The following ACACA variants were observed in gnomAD, a reference collection of about 807,000 sequenced individuals.
ACACA encodes the protein acetyl-CoA carboxylase 1.
ACACA carries 103 observed loss-of-function variants against 296.1 expected under a neutral mutation model. That is an observed-to-expected ratio of 0.35 (90% CI 0.30 to 0.41). The LOEUF (loss-of-function observed/expected upper bound fraction) is 0.41. Ranked by LOEUF, ACACA falls within the 10% of genes least tolerant of loss-of-function variation. ACACA has a pLI of 1.00. For missense variants in ACACA, 1,554 were observed against 2,989.7 expected, an observed-to-expected ratio of 0.52 and a Z score of 11.20; for synonymous variants, 953 against 1,038.6, an observed-to-expected ratio of 0.92 and a Z score of 1.58.
chr17:37,381,929 G>C (rs1171792964), intron 1 of ACACA, among the ~76,000 whole-genome samples: 1 of 151,914 alleles, frequency 6.6e-6, no homozygotes, highest in African/African-American at 2.4e-5. Context: ...ACCCGGCCAT[G>C]TCTCTTCTAT....
intron 22 of ACACA, 78 bp from the exon 23 acceptor site, chr17:37,242,131 A>T: frequency 9.3e-7 from 1 of 1,080,610 alleles, no homozygotes; most frequent in South Asian, 1.3e-5. Flanking sequence ...TAGCACGACC[A>T]GTAGGAATCT....
chr17:37,166,286 T>C (rs1453171831), intron 41 of ACACA, among the ~76,000 whole-genome samples: 1 of 151,894 alleles, frequency 6.6e-6, no homozygotes, highest in Non-Finnish European at 1.5e-5. Flanking sequence ...GCATGTGTGT[T>C]ACCACCATGC....
chr17:37,087,889 G>A (rs2072326135), intron 55 of ACACA, among the ~76,000 whole-genome samples: 1 of 152,196 alleles, frequency 6.6e-6, no homozygotes, highest in African/African-American at 2.4e-5. Flanking sequence ...CAAGCTCATC[G>A]TAAAGACTGC....
chr17:37,203,239 C>T (rs536097196), intron 33 of ACACA, among the ~76,000 whole-genome samples: 17 of 151,968 alleles, frequency 1.1e-4, no homozygotes, highest in African/African-American at 3.4e-4. Flanking sequence ...GGATTACAGG[C>T]GTGAGCCACT....
chr17:37,302,458 C>T (rs1452049787), intron 3 of ACACA, among the ~76,000 whole-genome samples: 1 of 152,174 alleles, frequency 6.6e-6, no homozygotes, highest in African/African-American at 2.4e-5. Flanking sequence ...GATCCACCCA[C>T]CTCAGCCTCC....
At chr17:37,389,253 G>A in intron 1 of ACACA, 1 of 1,585,702 alleles carries the variant, frequency 6.3e-7, no homozygotes, top group Non-Finnish European at 8.6e-7. Flanking sequence ...CAGTATCAAT[G>A]CCTAGGAGCC....
chr17:37,298,125 A>G (rs532727594), intron 3 of ACACA, among the ~76,000 whole-genome samples: 1 of 152,018 alleles, frequency 6.6e-6, no homozygotes, highest in African/African-American at 2.4e-5. Context: ...ACTCAGCTAT[A>G]TTGTAGTTAC....
At chr17:37,112,398 A>G (rs1434113061) in intron 51 of ACACA, among the ~76,000 whole-genome samples, 3 of 152,198 alleles carry the variant, frequency 2.0e-5, no homozygotes, top group African/African-American at 7.2e-5. Flanking sequence ...TCTACTATGT[A>G]GTAAGGTTCT....
intron 1 of ACACA, among the ~76,000 whole-genome samples, chr17:37,341,533 T>C (rs2048370624): frequency 2.0e-5 from 3 of 151,734 alleles, no homozygotes; most frequent in South Asian, 4.2e-4. Context: ...TTACTAAACA[T>C]ACAAAAATTA....
intron 11 of ACACA, among the ~76,000 whole-genome samples, 173 bp from the exon 12 acceptor site, chr17:37,259,703 C>G (rs1193195316): frequency 6.6e-6 from 1 of 152,022 alleles, no homozygotes; most frequent in Non-Finnish European, 1.5e-5. Context: ...GGATGAAAAA[C>G]TCAATGAAAA....
chr17:37,268,595 T>C (rs2081901686), intron 10 of ACACA, among the ~76,000 whole-genome samples: 1 of 152,066 alleles, frequency 6.6e-6, no homozygotes, highest in South Asian at 2.1e-4. Flanking sequence ...AGGGGAAAAG[T>C]AGCCTCATAT....
chr17:37,132,438 G>A (rs957902340), intron 45 of ACACA, among the ~76,000 whole-genome samples: 2 of 152,192 alleles, frequency 1.3e-5, no homozygotes, highest in African/African-American at 2.4e-5. Context: ...TTTTATGGTC[G>A]TCATAAACCC....
At chr17:37,258,942 T>C (rs1206383072) in intron 12 of ACACA, among the ~76,000 whole-genome samples, 1 of 152,150 alleles carries the variant, frequency 6.6e-6, no homozygotes, top group Non-Finnish European at 1.5e-5. Context: ...ATTATAAAAA[T>C]ATATGTGTGC....
rs2080629232 is a variant in ACACA, at chr17:37,245,129, C to A, written c.2546G>T (p.Gly849Val). The A allele has an allele frequency of 6.2e-7, 1 of 1,614,048 alleles. No homozygotes were observed. Among genetic ancestry groups the A allele is most frequent in the Non-Finnish European group, 8.5e-7 (1 of 1,180,030 alleles). ...CAGTTGCATTTTGGCTAGTACACAGCCAGGGTCAAGAGCTGCTCCAGGTCG... is the reference window on the plus strand; with the variant it reads ...CAGTTGCATTTTGGCTAGTACACAGACAGGGTCAAGAGCTGCTCCAGGTCG... ...VKRPGAALDP[G>V]CVLAKMQLDN... The change falls in exon 20 of 56, where the codon GGC becomes GTC. Residue 849 changes from glycine (G) to valine (V), a missense_variant. Physicochemically the swap from Gly to Val is moderately radical, Grantham distance 109. Coordinates refer to ENST00000616317, the MANE Select transcript of ACACA (RefSeq NM_198834.3).
At chr17:37,272,732 T>A (rs1475378220) in intron 9 of ACACA, among the ~76,000 whole-genome samples, 1 of 152,004 alleles carries the variant, frequency 6.6e-6, no homozygotes, top group Non-Finnish European at 1.5e-5. Flanking sequence ...GACAAAAAAA[T>A]ATTAAGTAGA....
At chr17:37,245,970 A>T (rs183930402) in intron 19 of ACACA, among the ~76,000 whole-genome samples, 1 of 152,202 alleles carries the variant, frequency 6.6e-6, no homozygotes, top group East Asian at 1.9e-4. Context: ...ACACCAACAC[A>T]TACTTGCAGT....
chr17:37,228,331 G>T (rs1280728383), intron 25 of ACACA, among the ~76,000 whole-genome samples: 1 of 150,098 alleles, frequency 6.7e-6, no homozygotes, highest in East Asian at 2.0e-4. Context: ...TTATAATTAA[G>T]GAAGTGCAAG....
chr17:37,325,301 G>A, intron 3 of ACACA, among the ~76,000 whole-genome samples: 1 of 151,266 alleles, frequency 6.6e-6, no homozygotes. Context: ...AGGAAGCAGA[G>A]GTTGCAGTGA....
intron 6 of ACACA, among the ~76,000 whole-genome samples, chr17:37,277,669 T>G (rs2082336951): frequency 6.6e-6 from 1 of 152,208 alleles, no homozygotes; most frequent in Non-Finnish European, 1.5e-5. Context: ...ATAAATAATC[T>G]CTGAAAGATG....
Sources: allele counts gnomAD v4.1 joint callset (sites outside exome capture counted in the v4.1 genomes callset), GRCh38; gene constraint gnomAD v4.1.1; transcripts MANE v1.5; gene names NCBI Gene and HGNC (gene_info 2026-07-23, HGNC 2026-07-21).